PIN1: variants seen among roughly 807,000 people sequenced by gnomAD.
The protein encoded by PIN1 is peptidyl-prolyl cis-trans isomerase NIMA-interacting 1.
A neutral mutation model predicts 19.9 loss-of-function variants in PIN1; 8 were observed. The ratio of observed to expected loss-of-function variants is 0.40; its 90% confidence interval spans 0.24 to 0.72. The LOEUF (loss-of-function observed/expected upper bound fraction) is 0.72, where lower values mean the gene tolerates loss of function less well. PIN1 is among the 30% of genes least tolerant of loss of function. PIN1 has a pLI of 0.37. For synonymous variants in PIN1, 86 were observed against 90.8 expected (o/e 0.95, Z 0.30); for missense variants, 185 against 226.5 (o/e 0.82, Z 1.18).
chr19:9,840,635 C>G (rs934226376), intron 2 of PIN1, among the ~76,000 whole-genome samples: 2 of 152,170 alleles, frequency 1.3e-5, no homozygotes, highest in Non-Finnish European at 2.9e-5. Context: ...GGGTCTTGCT[C>G]TGTCACCCAG....
intron 2 of PIN1, among the ~76,000 whole-genome samples, chr19:9,842,726 C>T (rs1020912453): frequency 6.6e-6 from 1 of 152,236 alleles, no homozygotes; most frequent in African/African-American, 2.4e-5. Flanking sequence ...CCGAGGTACA[C>T]TCGGTAACAG....
chr19:9,848,008 C>T (rs2046238373), intron 2 of PIN1, 22 bp from the exon 3 acceptor site: 1 of 1,496,474 alleles, frequency 6.7e-7, no homozygotes, highest in Non-Finnish European at 9.3e-7. Flanking sequence ...CCTGGCACTC[C>T]CATTCCGTTC....
chr19:9,847,612 C>CCCCTGCCTGGGTCAGCCTCT (rs2046231898), intron 2 of PIN1, among the ~76,000 whole-genome samples: 1 of 152,208 alleles, frequency 6.6e-6, no homozygotes, highest in African/African-American at 2.4e-5. Flanking sequence ...GGGGGCCAGC[C>CCCCTGCCTGGGTCAGCCTCT]CCCTGCCTGG....
chr19:9,848,448 C>T (rs916130558), intron 3 of PIN1: 7 of 386,896 alleles, frequency 1.8e-5, no homozygotes, highest in Non-Finnish European at 2.4e-5. Context: ...TGTCCTCTGC[C>T]TCTTCCTTTT....
At chr19:9,848,321 CAG>C (rs1488156392) in intron 3 of PIN1, 181 bp downstream of exon 3, 3 of 608,294 alleles carry the variant, frequency 4.9e-6, no homozygotes, top group Non-Finnish European at 8.8e-6. Context: ...CAGGGCCACA[CAG>C]GGAGGGGGGC....
intron 2 of PIN1, among the ~76,000 whole-genome samples, chr19:9,845,507 T>TA (rs748021592): frequency 7.1e-4 from 106 of 149,228 alleles, no homozygotes; most frequent in African/African-American, 1.3e-3. Flanking sequence ...GAAAGCGTTT[T>TA]AAAAAAAAAA....
chr19:9,840,992 G>C lies in PIN1; in HGVS notation c.271+2344G>C, dbSNP rs146164537. Reference sequence around the variant, plus strand: ...TCCTGGCTAATACAGTAAAGCGGGAGTAACAGCTCCTGGCATCGGTAAATG... The same window carrying C: ...TCCTGGCTAATACAGTAAAGCGGGACTAACAGCTCCTGGCATCGGTAAATG... On this transcript the variant is annotated intron_variant, in intron 2 of 3. Coordinates refer to ENST00000247970, the MANE Select transcript of PIN1 (RefSeq NM_006221.4). 3.3e-5 allele frequency among the ~76,000 whole-genome samples: 5 copies of C among 152,360 alleles called. No homozygotes were observed. In the East Asian group the frequency reaches 9.6e-4, roughly 29 times the overall value.
chr19:9,839,038 AC>A (rs1177489385), intron 2 of PIN1, among the ~76,000 whole-genome samples: 1 of 152,226 alleles, frequency 6.6e-6, no homozygotes, highest in Non-Finnish European at 1.5e-5. Flanking sequence ...TGGATTTTGC[AC>A]AGTAGGCCCT....
Position 9,838,202 on chromosome 19 carries a change from T to C in PIN1, c.59-234T>C. On this transcript the variant is annotated intron_variant, in intron 1 of 3. Transcript: ENST00000247970. This position sits in a 1 kb window ranked among gnomAD's most constrained non-coding sequence, Gnocchi z 5.8. ...TGATACTATCCTGTGTTTCATTTGC[T>C]TGTTTAGCACCTGTCTGCTCTCACC... 1.7e-6 allele frequency: 1 copy of C among 593,900 alleles called. No individual in the cohort carries two copies. Among genetic ancestry groups the C allele is most frequent in the Non-Finnish European group, 3.0e-6 (1 of 330,218 alleles). The allele number at this position is 593,900 out of a possible 1,614,324, so 36.8% of individuals were successfully genotyped here.
intron 2 of PIN1, among the ~76,000 whole-genome samples, chr19:9,841,288 G>C (rs1429536357): frequency 6.6e-6 from 1 of 152,198 alleles, no homozygotes; most frequent in Non-Finnish European, 1.5e-5. Flanking sequence ...CCAGCCTCCT[G>C]ACCTCTGAGG....
chr19:9,842,107 C>T (rs2046172959), intron 2 of PIN1, among the ~76,000 whole-genome samples: 1 of 152,162 alleles, frequency 6.6e-6, no homozygotes, highest in African/African-American at 2.4e-5. Flanking sequence ...AGGAGCCTTG[C>T]CTGCCCACCT....
chr19:9,847,014 T>G (rs1450983107), intron 2 of PIN1, among the ~76,000 whole-genome samples: 1 of 152,052 alleles, frequency 6.6e-6, no homozygotes, highest in Non-Finnish European at 1.5e-5. Flanking sequence ...GGACGCCCGT[T>G]TGTGTCAGAG....
chr19:9,836,592 C>G (rs1189976189), intron 1 of PIN1: 39 of 320,082 alleles, frequency 1.2e-4, no homozygotes, highest in Non-Finnish European at 3.1e-5. Flanking sequence ...CCATGTCACC[C>G]AGGCGAACTG....
rs2145420508 is a variant in PIN1 at position 9,848,945 on chromosome 19, A to G, written c.383-145A>G. 1.3e-5 allele frequency: 8 copies of G among 633,274 alleles called. No individual in the cohort carries two copies. In the South Asian group the frequency reaches 1.3e-4, roughly 10 times the overall value. The allele number at this position is 633,274 out of a possible 1,614,324, so 39.2% of individuals were successfully genotyped here. The stretch of plus-strand genomic sequence containing the variant: ...GCTGGGCCGCCGCTCAGCACTGGCA[A>G]TAAACATGGTGACGGATGAGTGTGG... On this transcript the variant is annotated intron_variant, in intron 3 of 3. Transcript: ENST00000247970.
At chr19:9,840,869 T>A (rs1334130738) in intron 2 of PIN1, among the ~76,000 whole-genome samples, 1 of 152,186 alleles carries the variant, frequency 6.6e-6, no homozygotes, top group Non-Finnish European at 1.5e-5. Flanking sequence ...AGTGTTGGGA[T>A]GACAAGCATG....
intron 2 of PIN1, among the ~76,000 whole-genome samples, chr19:9,840,367 A>G (rs957415610): frequency 5.3e-5 from 8 of 152,190 alleles, no homozygotes; most frequent in African/African-American, 1.9e-4. Flanking sequence ...AGCCTCGGCA[A>G]CAGAGCGAGA....
intron 2 of PIN1, among the ~76,000 whole-genome samples, chr19:9,839,992 C>G (rs2046148701): frequency 6.6e-6 from 1 of 152,032 alleles, no homozygotes; most frequent in Admixed American, 6.6e-5. Flanking sequence ...AGAGCAAGAC[C>G]CTGTCTCAAA....
At chr19:9,835,429 G>A in intron 1 of PIN1, 27 bp downstream of exon 1, 3 of 1,444,292 alleles carry the variant, frequency 2.1e-6, no homozygotes, top group South Asian at 1.3e-5. Flanking sequence ...GGCTGGGGCG[G>A]GACTGCGCGG....
Position 9,849,645 on chromosome 19 carries a change from GC to G in PIN1, c.*447del, listed in dbSNP as rs1375406464. On this transcript the variant is annotated 3_prime_UTR_variant, in exon 4 of 4. Coordinates refer to ENST00000247970, the MANE Select transcript of PIN1 (RefSeq NM_006221.4). ...AGCCATGGGCCCTCTGAGCAACTGT[GC>G]AGCACCCTTTCACCCCCAATTAAAC... is the stretch of plus-strand genomic sequence containing the variant. 1.9e-6 allele frequency: 1 copy of G among 521,886 alleles called. No homozygotes were observed. The highest frequency in any genetic ancestry group is 3.8e-6 in the Non-Finnish European group (1 of 263,010). The allele number at this position is 521,886 out of a possible 1,614,324, so 32.3% of individuals were successfully genotyped here.
Sources: allele counts gnomAD v4.1 joint callset (sites outside exome capture counted in the v4.1 genomes callset), GRCh38; gene constraint gnomAD v4.1.1; non-coding constraint Gnocchi (gnomAD v3.1); transcripts MANE v1.5; gene names NCBI Gene and HGNC (gene_info 2026-07-23, HGNC 2026-07-21).